EYS: variants seen among roughly 807,000 people sequenced by gnomAD.
The protein encoded by EYS is EGF-like photoreceptor maintenance factor.
EYS carries 250 observed loss-of-function variants against 282.1 expected under a neutral mutation model. The ratio of observed to expected loss-of-function variants is 0.89; its 90% CI spans 0.80 to 0.98. The LOEUF (loss-of-function observed/expected upper bound fraction) is 0.98. EYS is among the 50% of genes least tolerant of loss of function. EYS has a pLI of 0.00. For missense variants in EYS, 4,016 were observed against 3,709.0 expected, an observed-to-expected ratio of 1.08 and a Z score of -2.15; for synonymous variants, 1,355 against 1,282.9, an observed-to-expected ratio of 1.06 and a Z score of -1.20.
chr6:65,529,239 A>G (rs949104894), intron 2 of EYS, among the ~76,000 whole-genome samples: 13 of 152,166 alleles, frequency 8.5e-5, no homozygotes, highest in African/African-American at 3.1e-4. Context: ...ACCTAAAATT[A>G]TCTCAACCTT....
chr6:65,634,316 T>C (rs1335399212), intron 2 of EYS, among the ~76,000 whole-genome samples: 1 of 152,216 alleles, frequency 6.6e-6, no homozygotes, highest in Non-Finnish European at 1.5e-5. Flanking sequence ...ACACTGTTAG[T>C]AGTGTTACTT....
intron 22 of EYS, among the ~76,000 whole-genome samples, chr6:64,640,271 T>C (rs1025058058): frequency 9.5e-5 from 14 of 147,138 alleles, no homozygotes; most frequent in African/African-American, 3.5e-4. Flanking sequence ...CATGCACATG[T>C]ATGTTTATTG....
chr6:65,099,363 T>A (rs1365596848), intron 12 of EYS, among the ~76,000 whole-genome samples: 2 of 150,798 alleles, frequency 1.3e-5, no homozygotes, highest in Non-Finnish European at 1.5e-5. Context: ...CAAGATTACA[T>A]ATTGAGATTC....
chr6:65,213,469 G>C (rs1422401602), intron 12 of EYS, among the ~76,000 whole-genome samples: 1 of 152,144 alleles, frequency 6.6e-6, no homozygotes, highest in Non-Finnish European at 1.5e-5. Context: ...GCATGTATTG[G>C]CTTTTCCAAC....
At chr6:64,635,718 C>T (rs902197830) in intron 22 of EYS, among the ~76,000 whole-genome samples, 48 of 152,208 alleles carry the variant, frequency 3.2e-4, no homozygotes, top group African/African-American at 9.4e-4. Flanking sequence ...CTGCTGGATT[C>T]GGTTTGCCAG....
chr6:63,892,675 G>T (rs1773438654), intron 35 of EYS, among the ~76,000 whole-genome samples: 1 of 152,162 alleles, frequency 6.6e-6, no homozygotes, highest in South Asian at 2.1e-4. Flanking sequence ...CATGGGCAAA[G>T]ACTTCATGAC....
intron 19 of EYS, among the ~76,000 whole-genome samples, chr6:64,868,095 T>C (rs1212572695): frequency 1.3e-5 from 2 of 151,476 alleles, no homozygotes; most frequent in Non-Finnish European, 3.0e-5. Context: ...ACATTGTCTT[T>C]ATTAATTCAT....
chr6:65,030,538 C>A (rs868814233), intron 13 of EYS, among the ~76,000 whole-genome samples: 2 of 152,182 alleles, frequency 1.3e-5, no homozygotes, highest in South Asian at 4.1e-4. Flanking sequence ...CACTGTACCA[C>A]TATTGCTGCT....
intron 26 of EYS, among the ~76,000 whole-genome samples, chr6:64,488,800 T>C (rs1324765423): frequency 1.3e-5 from 2 of 150,978 alleles, no homozygotes; most frequent in Admixed American, 6.6e-5. Context: ...GTATATAGGC[T>C]TTGGAAATAT....
intron 33 of EYS, among the ~76,000 whole-genome samples, chr6:64,055,125 G>T (rs1363292579): frequency 6.6e-6 from 1 of 152,138 alleles, no homozygotes; most frequent in Non-Finnish European, 1.5e-5. Flanking sequence ...TTATGAAGCT[G>T]CAAAGGAAGA....
chr6:64,669,186 A>T (rs1769348563), intron 22 of EYS, among the ~76,000 whole-genome samples: 1 of 152,322 alleles, frequency 6.6e-6, no homozygotes, highest in Non-Finnish European at 1.5e-5. Flanking sequence ...CAGGATTAAA[A>T]ATAGTAGCAA....
At chr6:63,937,877 A>G (rs945143506) in intron 35 of EYS, among the ~76,000 whole-genome samples, 1 of 152,196 alleles carries the variant, frequency 6.6e-6, no homozygotes, top group Non-Finnish European at 1.5e-5. Context: ...TATACAGTCT[A>G]TGGTATTTTG....
rs147360031 is a variant in EYS at position 64,567,804 on chromosome 6, T to C, written c.5644+22419A>G. On this transcript the variant is annotated intron_variant, in intron 26 of 42. Transcript: ENST00000503581. The stretch of plus-strand genomic sequence containing the variant: ...CAATAAAAAATAAATTATCTTCCTT[T>C]TCCAGCCATAATGTTATAATAGAGA... 4.6e-4 allele frequency among the ~76,000 whole-genome samples: 70 copies of C among 152,360 alleles called. No individual in the cohort carries two copies. The East Asian group carries it at 0.011, about 25-fold the overall frequency.
intron 29 of EYS, among the ~76,000 whole-genome samples, chr6:64,332,404 G>GTTAGTCT: frequency 6.6e-6 from 1 of 152,324 alleles, no homozygotes; most frequent in East Asian, 1.9e-4. Context: ...TCTCACAGAT[G>GTTAGTCT]CAGTATATCC....
At chr6:64,282,160 T>A (rs1261800659) in intron 30 of EYS, among the ~76,000 whole-genome samples, 3 of 152,164 alleles carry the variant, frequency 2.0e-5, no homozygotes, top group Non-Finnish European at 4.4e-5. Context: ...CTTATCAATT[T>A]ATTTTAATTA....
At chr6:65,397,221 T>C (rs1290042212) in intron 7 of EYS, among the ~76,000 whole-genome samples, 1 of 151,976 alleles carries the variant, frequency 6.6e-6, no homozygotes, top group Non-Finnish European at 1.5e-5. Context: ...ATTTAGAGAC[T>C]ACAAGTGCAG....
At chr6:64,992,178 T>G (rs998659515) in intron 14 of EYS, among the ~76,000 whole-genome samples, 4 of 151,904 alleles carry the variant, frequency 2.6e-5, no homozygotes, top group African/African-American at 4.8e-5. Context: ...AATAGGTATT[T>G]GCTTATGCAT....
At chr6:64,391,029 T>C (rs1229256454) in intron 28 of EYS, among the ~76,000 whole-genome samples, 3 of 152,110 alleles carry the variant, frequency 2.0e-5, no homozygotes, top group East Asian at 3.9e-4. Flanking sequence ...GTATCAGTGA[T>C]GGAAGATGAA....
intron 21 of EYS, among the ~76,000 whole-genome samples, chr6:64,817,304 A>G (rs9363249): frequency 1 from 151,988 of 152,244 alleles, 75,866 homozygotes; most frequent in Non-Finnish European, 1. Flanking sequence ...CTGTGTTCAA[A>G]TAAATCTGGA....
Sources: gnomAD v4.1 joint callset for allele counts (sites outside exome capture counted in the v4.1 genomes callset) on GRCh38, gnomAD v4.1.1 for gene constraint, MANE v1.5 for transcripts, NCBI Gene and HGNC (gene_info 2026-07-23, HGNC 2026-07-21) for gene names.